The following BRD8 variants were observed in gnomAD, a reference collection of about 807,000 sequenced individuals.
BRD8 encodes the protein bromodomain-containing protein 8.
Under a neutral mutation model 143.1 loss-of-function variants are expected in BRD8, and 67 were observed. The observed-to-expected ratio is 0.47, with a 90% CI of 0.38 to 0.57. The LOEUF (loss-of-function observed/expected upper bound fraction) is 0.57. Ranked by LOEUF, BRD8 falls within the 20% of genes least tolerant of loss-of-function variation. BRD8 has a pLI of 0.00. For missense variants in BRD8, 1,103 were observed against 1,503.0 expected, an observed-to-expected ratio of 0.73 and a Z score of 4.40; for synonymous variants, 505 against 517.1, an observed-to-expected ratio of 0.98 and a Z score of 0.32.
In BRD8 at chr5:138,164,114, T is replaced by C; in HGVS notation, c.1845A>G (p.Ser615=). Residue 615 remains serine, a synonymous_variant, in exon 14 of 27, where the codon TCA becomes TCG. Coordinates refer to ENST00000254900, the MANE Select transcript of BRD8 (RefSeq NM_139199.2). ...TTATCTGGCTTCCAAAAATAGTCCC[T>C]GATTCTTCTTTCAATGAGTCTGCAG... ...FEMSDSLKEE[S]GTIFGSQIKD... The C allele has an allele frequency of 1.2e-6, 2 of 1,614,132 alleles. No homozygotes were observed. The highest frequency in any genetic ancestry group is 1.7e-6 in the Non-Finnish European group (2 of 1,179,982).
intron 3 of BRD8, among the ~76,000 whole-genome samples, chr5:138,171,718 A>C (rs1002178132): frequency 6.6e-6 from 1 of 152,208 alleles, no homozygotes; most frequent in Non-Finnish European, 1.5e-5. Context: ...AATGTTTTAC[A>C]TGTATTACTT....
At chr5:138,172,831 G>A in intron 2 of BRD8, 1 of 380,498 alleles carries the variant, frequency 2.6e-6, no homozygotes, top group Non-Finnish European at 5.1e-6. Context: ...TCCAGCCTGG[G>A]TGACAGAGTA....
At chr5:138,177,846 G>C (rs987551399) in intron 1 of BRD8, among the ~76,000 whole-genome samples, 179 bp from the exon 2 acceptor site, 4 of 152,172 alleles carry the variant, frequency 2.6e-5, no homozygotes, top group African/African-American at 9.7e-5. Context: ...AATATCACCA[G>C]TGACCGGGGT....
chr5:138,172,019 T>C (rs980018309), intron 3 of BRD8, 46 bp downstream of exon 3: 2 of 1,485,196 alleles, frequency 1.3e-6, no homozygotes, highest in African/African-American at 1.4e-5. Flanking sequence ...GAACCTACTT[T>C]ACAACCCAAA....
Position 138,166,092 on chromosome 5 carries a change from G to C in BRD8, c.1014C>G (p.Asn338Lys). ...CCCCCACAGCCTCCATGGGAACACA[G>C]TTGTCGGGTTGACTCACTGAGTAAC... ...ESVAPVSQPD[N>K]CVPMEAVGDP... The change falls in exon 11 of 27, where the codon AAC becomes AAG. Residue 338 changes from asparagine to lysine, a missense_variant. Physicochemically the swap from Asn to Lys is moderately conservative, Grantham distance 94. This residue lies in a region of BRD8 where 334 missense variants were observed against 372.5 expected (regional missense o/e 0.90). Coordinates refer to ENST00000254900, the MANE Select transcript of BRD8 (RefSeq NM_139199.2). 2.5e-6 allele frequency: 4 copies of C among 1,612,634 alleles called. No individual in the cohort carries two copies. Among genetic ancestry groups the C allele is most frequent in the Non-Finnish European group, 3.4e-6 (4 of 1,179,548 alleles).
At chr5:138,168,208 C>A in intron 8 of BRD8, 130 bp from the exon 9 acceptor site, 1 of 731,066 alleles carries the variant, frequency 1.4e-6, no homozygotes, top group African/African-American at 1.8e-5. Context: ...TAATTTAAGA[C>A]CCAAGGGAAA....
chr5:138,149,401 G>C (rs1752290888), intron 23 of BRD8, among the ~76,000 whole-genome samples: 1 of 152,092 alleles, frequency 6.6e-6, no homozygotes, highest in Admixed American at 6.5e-5. Context: ...TTACAGGTGT[G>C]AGCCACCACA....
In BRD8 at chr5:138,177,637, T is replaced by C. The variant is rs779912950; in HGVS notation, c.50A>G (p.Glu17Gly). The C allele has an allele frequency of 9.3e-6, 15 of 1,608,216 alleles. No homozygotes were observed. Among genetic ancestry groups the C allele is most frequent in the Non-Finnish European group, 1.3e-5 (15 of 1,178,378 alleles). ...TAGCTTCTCTCGGATGGACCATGGC[T>C]CTGTGGGGCCAGTGCTTAGCAGCTT... ...KHKLLSTGPT[E>G]PWSIREKLCL... The change falls in exon 2 of 27, where the codon GAG becomes GGG. Residue 17 changes from glutamate (E) to glycine (G), a missense_variant. Around this residue, in one of 7 missense-constraint regions of BRD8, gnomAD observed 69 missense variants for 121.6 expected, o/e 0.57. Coordinates refer to ENST00000254900, the MANE Select transcript of BRD8 (RefSeq NM_139199.2).
At chr5:138,153,070 G>A (rs1326097626) in intron 20 of BRD8, among the ~76,000 whole-genome samples, 1 of 152,090 alleles carries the variant, frequency 6.6e-6, no homozygotes, top group Non-Finnish European at 1.5e-5. Flanking sequence ...CCAAAAGAAG[G>A]GAAAGAACTG....
At chr5:138,142,565 C>G (rs939637955) in intron 25 of BRD8, among the ~76,000 whole-genome samples, 3 of 150,958 alleles carry the variant, frequency 2.0e-5, no homozygotes, top group African/African-American at 7.3e-5. Context: ...GAGATTGAGA[C>G]CATCCTGGCC....
At position 138,153,918 on chromosome 5, in the gene BRD8, C is replaced by G. The variant is rs1181272933; in HGVS notation, c.2578-1158G>C. On this transcript the variant is annotated intron_variant, in intron 20 of 26. Transcript: ENST00000254900. The stretch of plus-strand genomic sequence containing the variant: ...CTTGAACTTCTGACCTCAGGGGATC[C>G]ACCCACCTTTGCCTCCCAAAGTGCT... Among the ~76,000 whole-genome samples, 4 of 151,944 alleles carry G rather than the reference C, an allele frequency of 2.6e-5. No homozygotes were observed. The East Asian group carries it at 7.7e-4, about 29-fold the overall frequency.
chr5:138,175,470 C>T (rs367826575), intron 2 of BRD8, among the ~76,000 whole-genome samples: 1 of 151,760 alleles, frequency 6.6e-6, no homozygotes, highest in Admixed American at 6.6e-5. Context: ...ATAATCCTAG[C>T]ACTTTAGGAG....
At chr5:138,163,497 CT>C (rs1753165949) in intron 14 of BRD8, 153 bp from the exon 15 acceptor site, 5 of 1,372,428 alleles carry the variant, frequency 3.6e-6, no homozygotes, top group Non-Finnish European at 4.9e-6. Flanking sequence ...CTACCATCTA[CT>C]TACAGACACT....
chr5:138,170,767 G>A (rs1209667550), intron 6 of BRD8, 65 bp downstream of exon 6: 18 of 1,424,638 alleles, frequency 1.3e-5, no homozygotes, highest in Admixed American at 3.4e-5. Context: ...AAATAAGCCA[G>A]ATTACTTGAG....
intron 23 of BRD8, among the ~76,000 whole-genome samples, chr5:138,147,454 A>T (rs1183700722): frequency 6.6e-6 from 1 of 151,966 alleles, no homozygotes; most frequent in Non-Finnish European, 1.5e-5. Context: ...TTCATACTAT[A>T]TTCTCTCAAC....
intron 20 of BRD8, 78 bp downstream of exon 20, chr5:138,159,477 T>C: frequency 6.7e-7 from 1 of 1,491,466 alleles, no homozygotes; most frequent in Non-Finnish European, 9.4e-7. Flanking sequence ...CATGTTGGAT[T>C]TCCCTCTGCC....
intron 2 of BRD8, among the ~76,000 whole-genome samples, chr5:138,176,653 A>G (rs1202704801): frequency 6.6e-6 from 1 of 152,164 alleles, no homozygotes; most frequent in Non-Finnish European, 1.5e-5. Flanking sequence ...CTGACAGTTA[A>G]GGAGTAAGGG....
At chr5:138,145,915 T>C (rs1211618205) in intron 23 of BRD8, 37 bp from the exon 24 acceptor site, 1 of 1,546,738 alleles carries the variant, frequency 6.5e-7, no homozygotes, top group Non-Finnish European at 8.9e-7. Flanking sequence ...AGACAGTAAC[T>C]TCACAAATAA....
chr5:138,152,722 A>C lies in BRD8; in HGVS notation c.2616T>G (p.Asp872Glu), dbSNP rs1486435626. The stretch of plus-strand genomic sequence containing the variant: ...TGCTCAACTCAGAGTCATTGGGATG[A>C]TCTTGTTCAGAATCCAGCCAAACCC... ...HEWVWLDSEQ[D>E]HPNDSELSND... Residue 872 changes from aspartate to glutamate, a missense_variant, in exon 21 of 27, where the codon GAT (aspartate) becomes GAG (glutamate). This residue lies in a region of BRD8 where 369 missense variants were observed against 445.5 expected (regional missense o/e 0.83). Transcript: ENST00000254900. The C allele has an allele frequency of 1.2e-6, 2 of 1,614,030 alleles. No individual in the cohort carries two copies.
Sources: allele counts gnomAD v4.1 joint callset (sites outside exome capture counted in the v4.1 genomes callset), GRCh38; gene constraint gnomAD v4.1.1; regional missense constraint gnomAD v4.1.1; transcripts MANE v1.5; gene names NCBI Gene and HGNC (gene_info 2026-07-23, HGNC 2026-07-21).